DECR1: variants seen among roughly 807,000 people sequenced by gnomAD.
The protein encoded by DECR1 is 2,4-dienoyl-CoA reductase [(3E)-enoyl-CoA-producing], mitochondrial.
Under a neutral mutation model 38.8 loss-of-function variants are expected in DECR1, and 44 were observed. The observed-to-expected ratio is 1.13, with a 90% confidence interval of 0.89 to 1.46. DECR1 has a LOEUF of 1.46. Among genes scored for constraint, DECR1 ranks in the 40% most tolerant of loss-of-function variants. The probability of loss-of-function intolerance (pLI) is 0.00; values close to 1 mark genes in which losing one functional copy is unlikely to be tolerated. For synonymous variants in DECR1, 148 were observed against 135.2 expected (o/e 1.09, Z -0.66); for missense variants, 428 against 405.5 (o/e 1.06, Z -0.48).
chr8:90,022,643 T>C (rs1813192148), intron 5 of DECR1, among the ~76,000 whole-genome samples: 1 of 152,078 alleles, frequency 6.6e-6, no homozygotes. Flanking sequence ...TCTGATTTTC[T>C]CTCGCCCTAC....
chr8:90,021,014 G>A lies in DECR1; in HGVS notation c.523G>A (p.Val175Met), dbSNP rs372630127. The A allele has an allele frequency of 6.9e-5, 110 of 1,593,812 alleles. No homozygotes were observed. In the Middle Eastern group the frequency reaches 8.3e-4, roughly 12 times the overall value. Reference protein sequence around the residue: ...TDIVLNGTAFVTLEIGKQLIK... With the variant: ...TDIVLNGTAFMTLEIGKQLIK... ...CATAGTTCTAAATGGCACAGCCTTC[G>A]TGACACTAGAAATTGGAAAACAACT... Residue 175 changes from valine (V) to methionine (M), a missense_variant, in exon 5 of 10, where the codon GTG becomes ATG. Physicochemically the swap from Val to Met is conservative, Grantham distance 21 (BLOSUM62 1). Transcript: ENST00000220764.
At chr8:90,014,095 A>C (rs1812951423) in intron 1 of DECR1, among the ~76,000 whole-genome samples, 1 of 152,196 alleles carries the variant, frequency 6.6e-6, no homozygotes, top group African/African-American at 2.4e-5. Flanking sequence ...AGTTTTAAGA[A>C]TTTTAGGTCA....
chr8:90,036,858 A>G lies in DECR1; in HGVS notation c.583A>G (p.Ile195Val), dbSNP rs768135964. The part of the protein sequence containing the change: ...KAQKGAAFLS[I>V]TTIYAETGSG... The stretch of plus-strand genomic sequence containing the variant: ...AATTTCAGGAGCAGCATTTCTTTCT[A>G]TTACTACTATCTATGCTGAGACTGG... Residue 195 changes from isoleucine to valine, a missense_variant, in exon 6 of 10, where the codon ATT becomes GTT. Ile to Val is a conservative substitution (Grantham distance 29). Transcript: ENST00000220764. 3.7e-6 allele frequency: 6 copies of G among 1,612,406 alleles called. No homozygotes were observed. In the South Asian group the frequency reaches 4.4e-5, roughly 12 times the overall value.
At chr8:90,048,181 G>T (rs1464309589) in intron 8 of DECR1, among the ~76,000 whole-genome samples, 1 of 152,046 alleles carries the variant, frequency 6.6e-6, no homozygotes, top group East Asian at 1.9e-4. Flanking sequence ...AAAGTACTAA[G>T]ATCAGAGCAG....
intron 8 of DECR1, among the ~76,000 whole-genome samples, chr8:90,050,514 T>G (rs1395631347): frequency 6.6e-6 from 1 of 152,138 alleles, no homozygotes; most frequent in African/African-American, 2.4e-5. Context: ...CATTAAAGAT[T>G]CAGGAAACAA....
intron 1 of DECR1, among the ~76,000 whole-genome samples, chr8:90,008,372 A>G (rs745801415): frequency 6.6e-6 from 1 of 152,150 alleles, no homozygotes; most frequent in Non-Finnish European, 1.5e-5. Context: ...CTTAATTTCT[A>G]CTGCCCTCGG....
intron 1 of DECR1, among the ~76,000 whole-genome samples, chr8:90,003,460 C>A (rs942633165): frequency 1.3e-5 from 2 of 152,188 alleles, no homozygotes; most frequent in African/African-American, 4.8e-5. Context: ...ACGAGCCCTG[C>A]TCTCAACTGT....
intron 5 of DECR1, chr8:90,030,632 A>G (rs1305704844): frequency 1.3e-5 from 2 of 152,224 alleles, no homozygotes; most frequent in Non-Finnish European, 1.5e-5. Flanking sequence ...ATGGAAGCAA[A>G]TGCACCTTGT....
intron 1 of DECR1, among the ~76,000 whole-genome samples, chr8:90,002,769 G>A (rs564318698): frequency 6.6e-6 from 1 of 152,166 alleles, no homozygotes; most frequent in South Asian, 2.1e-4. Flanking sequence ...TCAGGGTTAG[G>A]GTTTTGCTGA....
intron 1 of DECR1, chr8:90,015,549 C>T: frequency 2.5e-6 from 1 of 407,180 alleles, no homozygotes; most frequent in Non-Finnish European, 5.1e-6. Context: ...AGGTGATGAA[C>T]AGCCTCCTTC....
intron 1 of DECR1, among the ~76,000 whole-genome samples, chr8:90,011,041 A>G (rs761258096): frequency 1.1e-4 from 16 of 152,198 alleles, no homozygotes; most frequent in Non-Finnish European, 2.2e-4. Context: ...GGTTATTACT[A>G]TGAATAGGTT....
At position 90,044,709 on chromosome 8, in the gene DECR1, T is replaced by C. The variant is rs915633555; in HGVS notation, c.739-140T>C. On this transcript the variant is annotated intron_variant, in intron 7 of 9. Coordinates refer to ENST00000220764, the MANE Select transcript of DECR1 (RefSeq NM_001359.2). ...ATCTATTTTTTTTTTAAGAATAATT[T>C]GGTGAAATTCTTTTTTACTTACAAA... 11 of 748,558 alleles carry C rather than the reference T, an allele frequency of 1.5e-5. 1 individual carries two copies. The highest frequency in any genetic ancestry group is 3.6e-5 in the African/African-American group (2 of 55,644). The allele number at this position is 748,558 out of a possible 1,614,324, so 46.4% of individuals were successfully genotyped here.
intron 1 of DECR1, among the ~76,000 whole-genome samples, chr8:90,015,858 A>AAC (rs1812994367): frequency 6.6e-6 from 1 of 152,208 alleles, no homozygotes; most frequent in African/African-American, 2.4e-5. Context: ...CAACTTTGGC[A>AAC]ATATATATAT....
intron 2 of DECR1, 24 bp downstream of exon 2, chr8:90,017,350 T>C (rs762317797): frequency 1.7e-5 from 27 of 1,591,880 alleles, no homozygotes; most frequent in Non-Finnish European, 2.1e-5. Context: ...ATCAAGCCTA[T>C]TGGCGACGCT....
chr8:90,015,718 G>A (rs994265607), intron 1 of DECR1: 1 of 454,682 alleles, frequency 2.2e-6, no homozygotes. Flanking sequence ...ATGACCTAAT[G>A]GAATATCACA....
In DECR1 at chr8:90,053,091, C is replaced by G. The variant is rs1814135634; in HGVS notation, c.*1194C>G. 6.6e-6 allele frequency among the ~76,000 whole-genome samples: 1 copy of G among 152,058 alleles called. No homozygotes were observed. Among genetic ancestry groups the G allele is most frequent in the African/African-American group, 2.4e-5 (1 of 41,398 alleles). On this transcript the variant is annotated 3_prime_UTR_variant, in exon 10 of 10. Transcript: ENST00000220764. ...GACTTTCACTGGGCTTTTTTTTAGG[C>G]TGTTGCACTTTTTCTCCACATGCTT...
intron 6 of DECR1, among the ~76,000 whole-genome samples, chr8:90,039,133 A>G (rs1322881118): frequency 6.6e-6 from 1 of 152,146 alleles, no homozygotes; most frequent in African/African-American, 2.4e-5. Context: ...CAGTCTTACT[A>G]AATAAGGCAT....
At chr8:90,016,860 A>G in intron 1 of DECR1, 1 of 378,572 alleles carries the variant, frequency 2.6e-6, no homozygotes. Context: ...AGATGAAGGA[A>G]CTGAGGCACA....
chr8:90,029,973 CCCAGCCCTTTTGGCA>C (rs1813454991), intron 5 of DECR1, among the ~76,000 whole-genome samples: 1 of 152,054 alleles, frequency 6.6e-6, no homozygotes, highest in Non-Finnish European at 1.5e-5. Flanking sequence ...CACAGTGGTC[CCCAGCCCTTTTGGCA>C]CCAGGGACCA....
Sources: allele counts gnomAD v4.1 joint callset (sites outside exome capture counted in the v4.1 genomes callset), GRCh38; gene constraint gnomAD v4.1.1; transcripts MANE v1.5; gene names NCBI Gene and HGNC (gene_info 2026-07-23, HGNC 2026-07-21).